The following MIA2 variants were observed in gnomAD, a reference collection of about 807,000 sequenced individuals.
The protein encoded by MIA2 is MIA SH3 domain ER export factor 2.
A neutral mutation model predicts 167.8 loss-of-function variants in MIA2; 127 were observed. The ratio of observed to expected loss-of-function variants is 0.76; its 90% CI spans 0.66 to 0.88. MIA2 has a LOEUF of 0.88. MIA2 is among the 40% of genes least tolerant of loss of function. The pLI is 0.00. For synonymous variants in MIA2, 552 were observed against 541.9 expected (o/e 1.02, Z -0.26); for missense variants, 1,690 against 1,624.7 (o/e 1.04, Z -0.69).
At chr14:39,265,901 A>G (rs768218341) in intron 6 of MIA2, 2 of 829,418 alleles carry the variant, frequency 2.4e-6, no homozygotes, top group Non-Finnish European at 2.9e-6. Flanking sequence ...TTAACAATGG[A>G]GAATTACTAA....
rs563757011 is a variant in MIA2, at chr14:39,314,665, T to C, written c.3120-74T>C. 4.6e-5 allele frequency: 40 copies of C among 863,206 alleles called. No homozygotes were observed. In the Admixed American group the frequency reaches 1.2e-3, roughly 25 times the overall value. The allele number at this position is 863,206 out of a possible 1,614,324, so 53.5% of individuals were successfully genotyped here. A position where few individuals can be genotyped will look rare whatever the true frequency, so the allele number is the denominator to read the frequency against. ...AGCATTCTGGGTTTTCTAATAAATA[T>C]TTTTTTAGTAGAGAGTATGTTCTGT... On this transcript the variant is annotated intron_variant, in intron 19 of 28. Transcript: ENST00000640607.
intron 23 of MIA2, among the ~76,000 whole-genome samples, chr14:39,358,379 C>T (rs1446722054): frequency 4.6e-5 from 7 of 152,180 alleles, no homozygotes; most frequent in Admixed American, 4.6e-4. Flanking sequence ...TCACGTAGTT[C>T]TTGTGCCATG....
At chr14:39,382,846 TA>T (rs2139369635) in intron 23 of MIA2, among the ~76,000 whole-genome samples, 1 of 152,218 alleles carries the variant, frequency 6.6e-6, no homozygotes, top group South Asian at 2.1e-4. Context: ...TCTAGTTTAT[TA>T]TTTGAAATAC....
rs2053624691 is a variant in MIA2, at chr14:39,234,006, C to T, written c.-109C>T. On this transcript the variant is annotated 5_prime_UTR_variant, in exon 1 of 29. Coordinates refer to ENST00000640607, the MANE Select transcript of MIA2 (RefSeq NM_001329214.4). The stretch of plus-strand genomic sequence containing the variant: ...GATTTTTAAAACTTCAACCCTTTTT[C>T]TCTTATAGTTAGTGAAGAGAGTAGA... 3.6e-6 allele frequency: 2 copies of T among 560,492 alleles called. No homozygotes were observed. Among genetic ancestry groups the T allele is most frequent in the African/African-American group, 2.0e-5 (1 of 50,644 alleles). The allele number at this position is 560,492 out of a possible 1,614,324, so 34.7% of individuals were successfully genotyped here.
At chr14:39,373,146 G>A (rs1457080591) in intron 23 of MIA2, among the ~76,000 whole-genome samples, 3 of 152,124 alleles carry the variant, frequency 2.0e-5, no homozygotes, top group African/African-American at 7.2e-5. Context: ...CATTTATTGT[G>A]TTTCAATGAA....
chr14:39,236,421 ATG>A lies in MIA2; in HGVS notation c.116-498_116-497del, dbSNP rs2053751090. ...GGGCAAATTGGGCTCCACTAGGGCT[ATG>A]TGACCAATTCTCTGAGCCTTCACTA... On this transcript the variant is annotated intron_variant, in intron 1 of 28. Transcript: ENST00000640607. Among the ~76,000 whole-genome samples, 4 of 152,312 alleles carry A rather than the reference ATG, an allele frequency of 2.6e-5. No individual in the cohort carries two copies. The South Asian group carries it at 8.3e-4, about 32-fold the overall frequency.
At chr14:39,343,448 G>A (rs2072488153) in intron 25 of MIA2, among the ~76,000 whole-genome samples, 1 of 152,068 alleles carries the variant, frequency 6.6e-6, no homozygotes, top group African/African-American at 2.4e-5. Flanking sequence ...TGCCCGGCCT[G>A]TTTTTGGTTT....
At chr14:39,364,099 C>G (rs1216376621) in intron 23 of MIA2, among the ~76,000 whole-genome samples, 1 of 152,092 alleles carries the variant, frequency 6.6e-6, no homozygotes, top group Non-Finnish European at 1.5e-5. Flanking sequence ...GTGGCTTATG[C>G]CTGTAATCCC....
intron 23 of MIA2, among the ~76,000 whole-genome samples, chr14:39,366,177 A>G (rs2074818409): frequency 6.6e-6 from 1 of 152,140 alleles, no homozygotes; most frequent in South Asian, 2.1e-4. Flanking sequence ...GGATATAGGG[A>G]TGCCAGGTGG....
intron 6 of MIA2, among the ~76,000 whole-genome samples, chr14:39,274,985 G>T (rs12892099): frequency 6.7e-6 from 1 of 149,294 alleles, no homozygotes; most frequent in African/African-American, 2.5e-5. Context: ...TGAGGCAGGA[G>T]AATTGCTTGA....
At position 39,336,901 on chromosome 14, in the gene MIA2, A is replaced by G. The variant is rs571764427; in HGVS notation, c.3656-9003A>G. Among the ~76,000 whole-genome samples the G allele has an allele frequency of 7.2e-5, 11 of 152,222 alleles. No individual in the cohort carries two copies. In the South Asian group the frequency reaches 1.9e-3, roughly 26 times the overall value. ...ACTGGGACTGTAAGCACATGCCACA[A>G]TGCCTGGGTAATTTTTATTTTATTT... On this transcript the variant is annotated intron_variant, in intron 25 of 28. Transcript: ENST00000640607.
At chr14:39,338,095 G>A (rs1415392749) in intron 25 of MIA2, among the ~76,000 whole-genome samples, 1 of 152,200 alleles carries the variant, frequency 6.6e-6, no homozygotes, top group African/African-American at 2.4e-5. Context: ...TGAGACAGTA[G>A]TGGGGAGGGG....
chr14:39,280,515 G>A (rs968029502), intron 9 of MIA2, among the ~76,000 whole-genome samples: 25 of 152,118 alleles, frequency 1.6e-4, no homozygotes, highest in African/African-American at 5.1e-4. Flanking sequence ...GGCAAATCAC[G>A]AGGTCAGGAG....
intron 6 of MIA2, among the ~76,000 whole-genome samples, chr14:39,253,902 C>T (rs1406127740): frequency 6.6e-6 from 1 of 152,206 alleles, no homozygotes; most frequent in African/African-American, 2.4e-5. Context: ...TTCTCATCTA[C>T]TGCTGTGATA....
At chr14:39,333,711 T>G (rs1185241568) in intron 25 of MIA2, among the ~76,000 whole-genome samples, 1 of 152,218 alleles carries the variant, frequency 6.6e-6, no homozygotes, top group African/African-American at 2.4e-5. Flanking sequence ...CCTGCTTTTG[T>G]TGATGCTTAA....
rs1566746769 is a variant in MIA2, at chr14:39,288,449, A to ATTTTTT, written c.2131-2569_2131-2568insTTTTTT. 3.7e-3 allele frequency among the ~76,000 whole-genome samples: 16 copies of ATTTTTT among 4,376 alleles called. 1 individual carries two copies. The highest frequency in any genetic ancestry group is 0.012 in the East Asian group (3 of 250). The allele number at this position is 4,376 out of a possible 152,430, so 2.9% of individuals were successfully genotyped here. On this transcript the variant is annotated intron_variant, in intron 9 of 28. Transcript: ENST00000640607. Reference sequence around the variant, plus strand: ...ATATTATACATATATATATATATATATATATATATATATATATATATATAT... The same window carrying ATTTTTT: ...ATATTATACATATATATATATATATATTTTTTTATATATATATATATATATATATAT...
rs141674205 is a variant in MIA2 at position 39,238,176 on chromosome 14, AG to A, written c.249+1122del. On this transcript the variant is annotated intron_variant, in intron 2 of 28. Coordinates refer to ENST00000640607, the MANE Select transcript of MIA2 (RefSeq NM_001329214.4). The stretch of plus-strand genomic sequence containing the variant: ...GGTAGCTAGGGAAGCTAGGTGTACA[AG>A]TTTTTTTTTTTTATTGAGACAGAGT... Among the ~76,000 whole-genome samples the A allele has an allele frequency of 5.3e-3, 754 of 142,338 alleles. 35 individuals are homozygous for A. In the East Asian group the frequency reaches 0.13, roughly 24 times the overall value. The allele number at this position is 142,338 out of a possible 152,430, so 93.4% of individuals were successfully genotyped here. A position where few individuals can be genotyped will look rare whatever the true frequency, so the allele number is the denominator to read the frequency against.
chr14:39,358,267 T>C (rs1245414268), intron 23 of MIA2, among the ~76,000 whole-genome samples: 1 of 152,212 alleles, frequency 6.6e-6, no homozygotes, highest in Non-Finnish European at 1.5e-5. Flanking sequence ...TATTCTTTTT[T>C]CCCTAAACTT....
chr14:39,382,895 G>GAATTGGACACTCTTTACTA (rs1276451828), intron 23 of MIA2, among the ~76,000 whole-genome samples: 1 of 130,924 alleles, frequency 7.6e-6, no homozygotes. Flanking sequence ...AACAAGATAA[G>GAATTGGACACTCTTTACTA]AATTGGACAC....
Sources: gnomAD v4.1 joint callset for allele counts (sites outside exome capture counted in the v4.1 genomes callset) on GRCh38, gnomAD v4.1.1 for gene constraint, MANE v1.5 for transcripts, NCBI Gene and HGNC (gene_info 2026-07-23, HGNC 2026-07-21) for gene names.